The following NUDT3 variants were observed in gnomAD, a reference collection of about 807,000 sequenced individuals.
NUDT3 encodes the protein nudix hydrolase 3.
A neutral mutation model predicts 23.6 loss-of-function variants in NUDT3; 9 were observed. That is an observed-to-expected ratio of 0.38 (90% CI 0.23 to 0.66). NUDT3 has a LOEUF of 0.66. Ranked by LOEUF, NUDT3 falls within the 30% of genes least tolerant of loss-of-function variation. The pLI is 0.52. For missense variants in NUDT3, 172 were observed against 218.5 expected (o/e 0.79, Z 1.34); for synonymous variants, 86 against 82.6 (o/e 1.04, Z -0.22).
At chr6:34,352,911 G>T (rs1480082841) in intron 1 of NUDT3, among the ~76,000 whole-genome samples, 1 of 152,046 alleles carries the variant, frequency 6.6e-6, no homozygotes, top group African/African-American at 2.4e-5. Flanking sequence ...AATTCTTTCA[G>T]CATTAATATT....
chr6:34,289,983 C>T (rs1209152938), intron 4 of NUDT3, among the ~76,000 whole-genome samples: 1 of 152,142 alleles, frequency 6.6e-6, no homozygotes, highest in African/African-American at 2.4e-5. Flanking sequence ...AACAAGGACT[C>T]TGAAGCCAAA....
At chr6:34,359,380 AAAAC>A (rs1206539946) in intron 1 of NUDT3, among the ~76,000 whole-genome samples, 7 of 152,184 alleles carry the variant, frequency 4.6e-5, no homozygotes, top group African/African-American at 7.2e-5. Flanking sequence ...TAAAAAAACA[AAAAC>A]AAACAAACAA....
At chr6:34,343,499 C>T (rs1007996258) in intron 1 of NUDT3, among the ~76,000 whole-genome samples, 1 of 151,794 alleles carries the variant, frequency 6.6e-6, no homozygotes, top group African/African-American at 2.4e-5. Context: ...TATGATCAAG[C>T]CACTGTATTC....
At chr6:34,293,597 T>C in intron 3 of NUDT3, 62 bp from the exon 4 acceptor site, 1 of 1,587,704 alleles carries the variant, frequency 6.3e-7, no homozygotes, top group South Asian at 1.1e-5. Context: ...ATTACTTAAA[T>C]GAAACACACT....
chr6:34,380,996 C>T (rs1053935220), intron 1 of NUDT3, among the ~76,000 whole-genome samples: 7 of 152,080 alleles, frequency 4.6e-5, no homozygotes, highest in African/African-American at 1.7e-4. Flanking sequence ...CTCCATACTT[C>T]TCTATTTTAC....
chr6:34,311,084 TGCTTAATGGTGAGAAACCAGAA>T lies in NUDT3; in HGVS notation c.211-15421_211-15400del, dbSNP rs539924951. Among the ~76,000 whole-genome samples, 134 of 151,688 alleles carry T rather than the reference TGCTTAATGGTGAGAAACCAGAA, an allele frequency of 8.8e-4. No individual in the cohort carries two copies. The East Asian group carries it at 0.011, about 12-fold the overall frequency. ...GTACAAAAAACTATCGCTAACATCA[TGCTTAATGGTGAGAAACCAGAA>T]GCTTAATGGTGAGAAACTAGAATAA... is the stretch of plus-strand genomic sequence containing the variant. On this transcript the variant is annotated intron_variant, in intron 2 of 4. Coordinates refer to ENST00000607016, the MANE Select transcript of NUDT3 (RefSeq NM_006703.4).
intron 2 of NUDT3, among the ~76,000 whole-genome samples, chr6:34,313,304 A>G (rs1177341461): frequency 4.6e-5 from 7 of 152,242 alleles, no homozygotes; most frequent in African/African-American, 1.2e-4. Flanking sequence ...AGGAGAAGCA[A>G]AAGTATGAAA....
intron 1 of NUDT3, among the ~76,000 whole-genome samples, chr6:34,372,841 AAAAT>A (rs1764854212): frequency 6.6e-6 from 1 of 152,020 alleles, no homozygotes; most frequent in African/African-American, 2.4e-5. Context: ...AGATTGGAGA[AAAAT>A]AAACCAATAA....
At chr6:34,385,898 G>A (rs1765097347) in intron 1 of NUDT3, among the ~76,000 whole-genome samples, 1 of 152,078 alleles carries the variant, frequency 6.6e-6, no homozygotes, top group African/African-American at 2.4e-5. Flanking sequence ...TGCCTAGGTT[G>A]GTCTCAAATT....
At chr6:34,386,755 C>A (rs1381860961) in intron 1 of NUDT3, among the ~76,000 whole-genome samples, 3 of 152,150 alleles carry the variant, frequency 2.0e-5, no homozygotes. Context: ...GGTGTCACAG[C>A]ACAATGCATT....
At chr6:34,351,372 T>C (rs979232349) in intron 1 of NUDT3, among the ~76,000 whole-genome samples, 2 of 146,666 alleles carry the variant, frequency 1.4e-5, no homozygotes, top group Non-Finnish European at 3.0e-5. Context: ...GCTCAGGAGA[T>C]TGAGATTACA....
At chr6:34,301,866 C>T (rs112001192) in intron 2 of NUDT3, among the ~76,000 whole-genome samples, 2,732 of 152,308 alleles carry the variant, frequency 0.018, 45 homozygotes, top group Non-Finnish European at 0.029. Context: ...TCCCTCCCCA[C>T]TTCTGGGTCA....
intron 2 of NUDT3, among the ~76,000 whole-genome samples, chr6:34,336,748 T>A (rs2113731209): frequency 6.6e-6 from 1 of 150,534 alleles, no homozygotes; most frequent in South Asian, 2.1e-4. Context: ...GTAGGACAAC[T>A]GAAGTTCTTT....
chr6:34,298,721 C>A, intron 2 of NUDT3, among the ~76,000 whole-genome samples: 1 of 152,180 alleles, frequency 6.6e-6, no homozygotes, highest in Non-Finnish European at 1.5e-5. Context: ...GCTGGGATTA[C>A]AGGTGCATGC....
intron 1 of NUDT3, among the ~76,000 whole-genome samples, chr6:34,356,413 T>C (rs1764562421): frequency 1.3e-5 from 2 of 152,132 alleles, no homozygotes; most frequent in Admixed American, 6.6e-5. Flanking sequence ...GCTGATTCCA[T>C]GACCAACAGG....
intron 2 of NUDT3, among the ~76,000 whole-genome samples, chr6:34,297,413 C>T (rs1231201741): frequency 6.6e-6 from 1 of 151,980 alleles, no homozygotes; most frequent in East Asian, 1.9e-4. Context: ...ACTCTGATCC[C>T]AGGCAGCCTG....
chr6:34,388,776 CAT>C (rs1324042344), intron 1 of NUDT3, among the ~76,000 whole-genome samples: 3 of 152,164 alleles, frequency 2.0e-5, no homozygotes, highest in Non-Finnish European at 4.4e-5. Flanking sequence ...GTTTCTCATA[CAT>C]GTTTGTTGAA....
At chr6:34,332,631 A>T (rs1764145353) in intron 2 of NUDT3, among the ~76,000 whole-genome samples, 1 of 152,244 alleles carries the variant, frequency 6.6e-6, no homozygotes, top group South Asian at 2.1e-4. Flanking sequence ...AGCAATCTAC[A>T]AATGATCTAA....
intron 1 of NUDT3, among the ~76,000 whole-genome samples, chr6:34,342,289 CAAA>C (rs200954440): frequency 2.4e-4 from 16 of 66,486 alleles, no homozygotes; most frequent in African/African-American, 6.8e-4. Flanking sequence ...TAGAAGACTT[CAAA>C]AAAAAAAAAA....
Sources: allele counts gnomAD v4.1 joint callset (sites outside exome capture counted in the v4.1 genomes callset), GRCh38; gene constraint gnomAD v4.1.1; transcripts MANE v1.5; gene names NCBI Gene and HGNC (gene_info 2026-07-23, HGNC 2026-07-21).